Variants in DEPTOR observed in about 807,000 individuals in gnomAD.
DEPTOR encodes the protein DEP domain-containing mTOR-interacting protein.
In DEPTOR, 41 loss-of-function variants were observed where a neutral mutation model predicts 41.6. The observed-to-expected ratio is 0.98, with a 90% CI of 0.77 to 1.28. DEPTOR has a LOEUF of 1.28. Among genes scored for constraint, DEPTOR ranks in the 50% most tolerant of loss-of-function variants. DEPTOR has a pLI of 0.00. For synonymous variants in DEPTOR, 195 were observed against 192.3 expected, an observed-to-expected ratio of 1.01 and a Z score of -0.12; for missense variants, 514 against 527.9, an observed-to-expected ratio of 0.97 and a Z score of 0.26.
intron 1 of DEPTOR, among the ~76,000 whole-genome samples, chr8:119,910,189 T>A (rs543003739): frequency 2.0e-5 from 3 of 152,198 alleles, no homozygotes; most frequent in Non-Finnish European, 4.4e-5. Context: ...AATTTGACTC[T>A]AAGTATATAG....
In DEPTOR at chr8:120,049,583, A is replaced by C. The variant is rs537942568; in HGVS notation, c.1109A>C (p.Gln370Pro). Residue 370 changes from glutamine to proline, a missense_variant, in exon 9 of 9, where the codon CAG (glutamine) becomes CCG (proline). Coordinates refer to ENST00000286234, the MANE Select transcript of DEPTOR (RefSeq NM_022783.4). ...TTTGCATCTTTCCTTTAGGTCTGTC[A>C]GTTTGTCGTCTCTGTCAACGGGCTC... Reference protein sequence around the residue: ...PAAAAGMKVCQFVVSVNGLNV... With the variant: ...PAAAAGMKVCPFVVSVNGLNV... 56 of 1,613,436 alleles carry C rather than the reference A, an allele frequency of 3.5e-5. 1 individual carries two copies. In the South Asian group the frequency reaches 5.9e-4, roughly 17 times the overall value.
intron 8 of DEPTOR, among the ~76,000 whole-genome samples, chr8:120,032,683 C>T (rs902263846): frequency 3.3e-5 from 5 of 152,136 alleles, no homozygotes; most frequent in East Asian, 1.9e-4. Context: ...AGGGCAAAGC[C>T]GAGCTGAAAT....
chr8:119,915,620 C>A (rs1366644164), intron 1 of DEPTOR, among the ~76,000 whole-genome samples: 2 of 152,146 alleles, frequency 1.3e-5, no homozygotes, highest in East Asian at 3.9e-4. Context: ...AGGCAAGTTA[C>A]CTAACTTCTG....
At chr8:119,964,760 T>A (rs1032526437) in intron 3 of DEPTOR, among the ~76,000 whole-genome samples, 27 of 151,856 alleles carry the variant, frequency 1.8e-4, no homozygotes, top group Admixed American at 1.8e-3. Flanking sequence ...TAGGAGAAAA[T>A]GCATCTTGTT....
intron 1 of DEPTOR, among the ~76,000 whole-genome samples, chr8:119,876,317 A>T (rs1827230398): frequency 6.6e-6 from 1 of 152,208 alleles, no homozygotes; most frequent in South Asian, 2.1e-4. Context: ...GAAGACTTTA[A>T]GCTAGACTGA....
intron 1 of DEPTOR, among the ~76,000 whole-genome samples, chr8:119,919,761 T>C (rs1563965728): frequency 2.6e-5 from 4 of 152,208 alleles, no homozygotes; most frequent in Admixed American, 1.3e-4. Flanking sequence ...GCTGTGTTTG[T>C]TAAACTGTTT....
intron 1 of DEPTOR, among the ~76,000 whole-genome samples, chr8:119,897,227 T>G (rs908303414): frequency 6.6e-6 from 1 of 152,124 alleles, no homozygotes; most frequent in Non-Finnish European, 1.5e-5. Flanking sequence ...CAGAATTTCA[T>G]GTAAGGATCA....
intron 1 of DEPTOR, among the ~76,000 whole-genome samples, chr8:119,879,259 G>C (rs1442495949): frequency 6.6e-6 from 1 of 152,174 alleles, no homozygotes; most frequent in Non-Finnish European, 1.5e-5. Context: ...AAATGGTACA[G>C]CCCCTTTGGA....
At chr8:119,878,477 AC>A (rs1439107871) in intron 1 of DEPTOR, among the ~76,000 whole-genome samples, 1 of 151,118 alleles carries the variant, frequency 6.6e-6, no homozygotes, top group East Asian at 2.0e-4. Flanking sequence ...GTGCCACCAC[AC>A]CCAGTTAATT....
At chr8:119,888,168 T>C (rs1827398401) in intron 1 of DEPTOR, among the ~76,000 whole-genome samples, 1 of 152,122 alleles carries the variant, frequency 6.6e-6, no homozygotes, top group Non-Finnish European at 1.5e-5. Context: ...AAAATGTTAT[T>C]TGTTTTATTA....
chr8:119,962,393 T>C (rs914590218), intron 3 of DEPTOR, among the ~76,000 whole-genome samples: 1 of 152,160 alleles, frequency 6.6e-6, no homozygotes, highest in Non-Finnish European at 1.5e-5. Context: ...GATGGTCTAA[T>C]TGAGACCTGA....
intron 4 of DEPTOR, among the ~76,000 whole-genome samples, chr8:119,987,265 G>C (rs530359993): frequency 6.6e-5 from 10 of 152,246 alleles, no homozygotes; most frequent in Admixed American, 3.9e-4. Flanking sequence ...CTGTTTGCTA[G>C]TTTTCCTTCT....
intron 8 of DEPTOR, among the ~76,000 whole-genome samples, chr8:120,039,722 T>C (rs1451998051): frequency 6.6e-6 from 1 of 152,232 alleles, no homozygotes; most frequent in Non-Finnish European, 1.5e-5. Context: ...TCTCCGATAA[T>C]GGTTCTAAAC....
At chr8:119,925,840 G>T (rs1827957098) in intron 1 of DEPTOR, among the ~76,000 whole-genome samples, 1 of 152,136 alleles carries the variant, frequency 6.6e-6, no homozygotes, top group Non-Finnish European at 1.5e-5. Flanking sequence ...GGCCAGGCTG[G>T]TCTCGAGCTC....
chr8:120,040,853 A>G (rs530918369), intron 8 of DEPTOR, among the ~76,000 whole-genome samples: 1 of 152,246 alleles, frequency 6.6e-6, no homozygotes, highest in East Asian at 1.9e-4. Flanking sequence ...TGAGTGCTCT[A>G]CTTGATTAAG....
intron 8 of DEPTOR, among the ~76,000 whole-genome samples, chr8:120,019,876 A>G (rs1186055888): frequency 6.6e-6 from 1 of 151,980 alleles, no homozygotes; most frequent in Non-Finnish European, 1.5e-5. Context: ...CACTCCTTCC[A>G]TGTCCCCCAA....
At chr8:119,993,246 G>C (rs915829585) in intron 4 of DEPTOR, among the ~76,000 whole-genome samples, 2 of 152,170 alleles carry the variant, frequency 1.3e-5, no homozygotes, top group Non-Finnish European at 2.9e-5. Flanking sequence ...ACGGTGTATA[G>C]GGATCTGTTT....
intron 8 of DEPTOR, among the ~76,000 whole-genome samples, chr8:120,021,575 AAC>A (rs1258230747): frequency 6.6e-6 from 1 of 152,252 alleles, no homozygotes. Context: ...TTGCAAACAA[AAC>A]ACAAAGTAAC....
At chr8:119,939,575 C>T (rs1015073013) in intron 3 of DEPTOR, among the ~76,000 whole-genome samples, 4 of 152,156 alleles carry the variant, frequency 2.6e-5, no homozygotes, top group Non-Finnish European at 5.9e-5. Flanking sequence ...GCAAACTCCA[C>T]CTCCCGGGTT....
Sources: gnomAD v4.1 joint callset for allele counts (sites outside exome capture counted in the v4.1 genomes callset) on GRCh38, gnomAD v4.1.1 for gene constraint, MANE v1.5 for transcripts, NCBI Gene and HGNC (gene_info 2026-07-23, HGNC 2026-07-21) for gene names.